Variants in C3orf20 observed in about 807,000 individuals in gnomAD.
C3orf20 encodes family with sequence similarity 149 member C.
In C3orf20, 76 loss-of-function variants were observed where a neutral mutation model predicts 88.3. The observed-to-expected ratio is 0.86, with a 90% CI of 0.72 to 1.04. The LOEUF (loss-of-function observed/expected upper bound fraction) is 1.04. Among genes scored for constraint, C3orf20 ranks in the 50% least tolerant of loss-of-function variants. The pLI, the probability that C3orf20 is intolerant of heterozygous loss-of-function variation, is 0.00. For synonymous variants in C3orf20, 436 were observed against 437.4 expected (o/e 1.00, Z 0.04); for missense variants, 1,056 against 1,123.3 (o/e 0.94, Z 0.86).
intron 13 of C3orf20, among the ~76,000 whole-genome samples, chr3:14,758,298 G>T (rs2035446221): frequency 6.6e-6 from 1 of 152,130 alleles, no homozygotes; most frequent in South Asian, 2.1e-4. Flanking sequence ...CCTAGAAGAG[G>T]CAGTGGCCTG....
Position 14,701,596 on chromosome 3 carries a change from T to C in C3orf20, c.746-1534T>C, listed in dbSNP as rs2033262603. Reference sequence around the variant, plus strand: ...GCACAGATCGTTGTCATCCAGGTCATGCAGATCATTGTCATCCGGTCTGCA... The same window carrying C: ...GCACAGATCGTTGTCATCCAGGTCACGCAGATCATTGTCATCCGGTCTGCA... On this transcript the variant is annotated intron_variant, in intron 5 of 16. Coordinates refer to ENST00000253697, the MANE Select transcript of C3orf20 (RefSeq NM_032137.5). This position sits in a 1 kb window ranked among gnomAD's most constrained non-coding sequence, Gnocchi z 4.6. 6.6e-6 allele frequency among the ~76,000 whole-genome samples: 1 copy of C among 152,178 alleles called. No individual in the cohort carries two copies. Among genetic ancestry groups the C allele is most frequent in the South Asian group, 2.1e-4 (1 of 4,834 alleles).
intron 12 of C3orf20, among the ~76,000 whole-genome samples, chr3:14,731,196 A>C (rs561060798): frequency 6.6e-6 from 1 of 152,200 alleles, no homozygotes. Context: ...TTGTAGATAT[A>C]GTTTTGCATT....
intron 7 of C3orf20, among the ~76,000 whole-genome samples, chr3:14,705,933 G>T (rs1247546104): frequency 6.6e-6 from 1 of 152,088 alleles, no homozygotes; most frequent in Non-Finnish European, 1.5e-5. Flanking sequence ...TCCTTTGTTG[G>T]GTACCATTTT....
In C3orf20 at chr3:14,728,449, C is replaced by T. The variant is rs777767165; in HGVS notation, c.1701C>T (p.Thr567=). The T allele has an allele frequency of 1.2e-6, 2 of 1,613,986 alleles. No individual in the cohort carries two copies. The highest frequency in any genetic ancestry group is 1.3e-5 in the African/African-American group (1 of 74,868). The change falls in exon 12 of 17, where the codon ACC becomes ACT. Residue 567 remains threonine (T), a synonymous_variant. Transcript: ENST00000253697. ...NSILLAAGLF[T]IEYPTKKEEE... Reference sequence around the variant, plus strand: ...ATCTTCTGTTAACAGGTCTGTTTACCATTGAATATCCCACCAAAAAGGAGG... The same window carrying T: ...ATCTTCTGTTAACAGGTCTGTTTACTATTGAATATCCCACCAAAAAGGAGG...
chr3:14,764,007 TACAC>T (rs2035631667), intron 15 of C3orf20, among the ~76,000 whole-genome samples: 1 of 152,006 alleles, frequency 6.6e-6, no homozygotes, highest in South Asian at 2.1e-4. Context: ...ACAAACCAGA[TACAC>T]ACATATACAA....
At chr3:14,726,859 G>A (rs1475680981) in intron 10 of C3orf20, 42 bp from the exon 11 acceptor site, 2 of 1,612,444 alleles carry the variant, frequency 1.2e-6, no homozygotes, top group African/African-American at 2.7e-5. Context: ...CTGGCTCTTT[G>A]AGGGGATGGT....
At chr3:14,742,854 A>C (rs150072611) in intron 12 of C3orf20, among the ~76,000 whole-genome samples, 1,527 of 152,028 alleles carry the variant, frequency 0.01, 16 homozygotes, top group South Asian at 0.036. Flanking sequence ...ATCAGATCTC[A>C]TGAGATTTAT....
chr3:14,751,332 T>C (rs1425794794), intron 12 of C3orf20, among the ~76,000 whole-genome samples: 2 of 152,150 alleles, frequency 1.3e-5, no homozygotes, highest in Non-Finnish European at 2.9e-5. Context: ...TTTCTGCATT[T>C]CCAACTAAGG....
chr3:14,685,439 C>T lies in C3orf20; in HGVS notation c.625+1057C>T, dbSNP rs2032344207. On this transcript the variant is annotated intron_variant, in intron 4 of 16. Coordinates refer to ENST00000253697, the MANE Select transcript of C3orf20 (RefSeq NM_032137.5). Reference sequence around the variant, plus strand: ...TTGTTGCTTTTTTCTCACCCAGTGACCTCTCTCTCTCTCTCTCTGTTTCTC... The same window carrying T: ...TTGTTGCTTTTTTCTCACCCAGTGATCTCTCTCTCTCTCTCTCTGTTTCTC... 2.9e-5 allele frequency among the ~76,000 whole-genome samples: 4 copies of T among 137,210 alleles called. No individual in the cohort carries two copies. The South Asian group carries it at 9.5e-4, about 33-fold the overall frequency. 90.0% of individuals were successfully genotyped at this position (137,210 alleles called of 152,430 possible).
intron 5 of C3orf20, 108 bp from the exon 6 acceptor site, chr3:14,702,996 ATCCAGCGGGACAAATTTTAAAGCTCC>A (rs1559407008): frequency 2.7e-6 from 3 of 1,126,234 alleles, no homozygotes; most frequent in Non-Finnish European, 2.6e-6. Context: ...CAAGTCTAAA[ATCCAGCGGGACAAATTTTAAAGCTCC>A]AAAATGATCT....
Position 14,704,536 on chromosome 3 carries a change from A to C in C3orf20, c.1078A>C (p.Ser360Arg). 2.5e-6 allele frequency: 4 copies of C among 1,614,100 alleles called. No individual in the cohort carries two copies. Among genetic ancestry groups the C allele is most frequent in the Non-Finnish European group, 3.4e-6 (4 of 1,180,008 alleles). ...CCCATCTTCTGCCAACCATCATTTC[A>C]GTCAGCATTGTCAAGAGGGGAAGGC... ...SHPSSANHHFSQHCQEGKAPK... is the reference protein window; with the variant it reads ...SHPSSANHHFRQHCQEGKAPK... Residue 360 changes from serine (S) to arginine (R), a missense_variant, in exon 7 of 17, where the codon AGT becomes CGT. Physicochemically the swap from Ser to Arg is moderately radical, Grantham distance 110 (BLOSUM62 -1). Coordinates refer to ENST00000253697, the MANE Select transcript of C3orf20 (RefSeq NM_032137.5).
At chr3:14,743,385 G>A (rs569433654) in intron 12 of C3orf20, among the ~76,000 whole-genome samples, 1 of 152,136 alleles carries the variant, frequency 6.6e-6, no homozygotes, top group Admixed American at 6.5e-5. Context: ...TAAGTTCCCA[G>A]GGTCTTGGGC....
chr3:14,682,786 A>G lies in C3orf20; in HGVS notation c.73A>G (p.Ile25Val), dbSNP rs2032166020. The change falls in exon 3 of 17, where the codon ATC becomes GTC. Residue 25 changes from isoleucine to valine, a missense_variant. Coordinates refer to ENST00000253697, the MANE Select transcript of C3orf20 (RefSeq NM_032137.5). ...CATGGCCCCCAAGCTACTGGCCCGC[A>G]TCTCCAAACTCCTCATGATCTGCCA... Reference protein sequence around the residue: ...TAMAPKLLARISKLLMICQNA... With the variant: ...TAMAPKLLARVSKLLMICQNA... 1.2e-6 allele frequency: 2 copies of G among 1,614,046 alleles called. No individual in the cohort carries two copies. The highest frequency in any genetic ancestry group is 1.7e-5 in the Admixed American group (1 of 60,004).
At chr3:14,741,150 T>C (rs1196198621) in intron 12 of C3orf20, among the ~76,000 whole-genome samples, 1 of 152,222 alleles carries the variant, frequency 6.6e-6, no homozygotes, top group African/African-American at 2.4e-5. Context: ...ATGACTCTCA[T>C]CCAAACAAGG....
chr3:14,733,875 G>A (rs543585409), intron 12 of C3orf20, among the ~76,000 whole-genome samples: 4 of 152,096 alleles, frequency 2.6e-5, no homozygotes, highest in African/African-American at 9.7e-5. Context: ...TTTTAGTAGG[G>A]ACGGGGTTTC....
chr3:14,727,842 A>T (rs1456367675), intron 11 of C3orf20, among the ~76,000 whole-genome samples: 1 of 152,132 alleles, frequency 6.6e-6, no homozygotes, highest in Admixed American at 6.6e-5. Flanking sequence ...ACTACTTAGC[A>T]TTGTGACTAT....
intron 12 of C3orf20, among the ~76,000 whole-genome samples, chr3:14,735,075 TTTA>T (rs2034663869): frequency 1.2e-5 from 1 of 83,396 alleles, no homozygotes; most frequent in South Asian, 5.1e-4. Context: ...TTTCTGCTCC[TTTA>T]TTTTAAGGTC....
intron 12 of C3orf20, among the ~76,000 whole-genome samples, chr3:14,752,404 G>A (rs911896058): frequency 3.3e-5 from 5 of 151,906 alleles, no homozygotes; most frequent in South Asian, 2.1e-4. Flanking sequence ...AGACAATACC[G>A]GTAATTCAGG....
chr3:14,687,572 C>T (rs1419061125), intron 4 of C3orf20, among the ~76,000 whole-genome samples: 2 of 150,698 alleles, frequency 1.3e-5, no homozygotes, highest in Non-Finnish European at 1.5e-5. Context: ...CATTTGGGGG[C>T]ACAGCTGCTA....
Sources: allele counts gnomAD v4.1 joint callset (sites outside exome capture counted in the v4.1 genomes callset), GRCh38; gene constraint gnomAD v4.1.1; non-coding constraint Gnocchi (gnomAD v3.1); transcripts MANE v1.5; gene names NCBI Gene and HGNC (gene_info 2026-07-23, HGNC 2026-07-21).